PTPRO: variants seen among roughly 807,000 people sequenced by gnomAD.
The protein encoded by PTPRO is receptor-type tyrosine-protein phosphatase O.
PTPRO carries 62 observed loss-of-function variants against 145.2 expected under a neutral mutation model. The observed-to-expected ratio is 0.43, with a 90% CI of 0.35 to 0.53. The LOEUF (loss-of-function observed/expected upper bound fraction) is 0.53. Among genes scored for constraint, PTPRO ranks in the 20% least tolerant of loss-of-function variants. The pLI is 0.01. For synonymous variants in PTPRO, 565 were observed against 514.7 expected, an observed-to-expected ratio of 1.10 and a Z score of -1.32; for missense variants, 1,345 against 1,482.7, an observed-to-expected ratio of 0.91 and a Z score of 1.53.
At chr12:15,542,374 A>T (rs1943198421) in intron 12 of PTPRO, among the ~76,000 whole-genome samples, 1 of 152,256 alleles carries the variant, frequency 6.6e-6, no homozygotes, top group Non-Finnish European at 1.5e-5. Flanking sequence ...AAGAAAGTTT[A>T]TGAATTTGTG....
intron 1 of PTPRO, among the ~76,000 whole-genome samples, chr12:15,376,998 A>G (rs1272692061): frequency 6.6e-6 from 1 of 152,154 alleles, no homozygotes; most frequent in Admixed American, 6.5e-5. Context: ...CAATTGTTAA[A>G]CTGTGTTGAT....
chr12:15,589,375 CA>C, intron 24 of PTPRO, 79 bp from the exon 25 acceptor site: 1 of 1,479,112 alleles, frequency 6.8e-7, no homozygotes, highest in South Asian at 1.2e-5. Flanking sequence ...GACTCCATCT[CA>C]AAGAAAAAAA....
intron 1 of PTPRO, among the ~76,000 whole-genome samples, chr12:15,380,561 T>C (rs1938828893): frequency 6.6e-6 from 1 of 152,128 alleles, no homozygotes; most frequent in South Asian, 2.1e-4. Flanking sequence ...CTAATTAAAA[T>C]TAAAACCAGG....
intron 12 of PTPRO, among the ~76,000 whole-genome samples, chr12:15,545,460 C>T (rs1337094579): frequency 2.0e-5 from 3 of 150,532 alleles, no homozygotes; most frequent in Admixed American, 2.0e-4. Context: ...GGAAAGACAA[C>T]ATCCAAAAGA....
chr12:15,447,320 A>T (rs1475981904), intron 1 of PTPRO, among the ~76,000 whole-genome samples: 1 of 152,146 alleles, frequency 6.6e-6, no homozygotes, highest in Non-Finnish European at 1.5e-5. Flanking sequence ...AATCTGGAAT[A>T]AAAAACTGCA....
At chr12:15,497,011 A>C (rs1942120850) in intron 2 of PTPRO, among the ~76,000 whole-genome samples, 1 of 152,208 alleles carries the variant, frequency 6.6e-6, no homozygotes, top group Non-Finnish European at 1.5e-5. Context: ...CTGTTGCAAA[A>C]GGAAAAATAA....
At chr12:15,452,524 GGGAAAGGAC>G (rs1331073254) in intron 1 of PTPRO, among the ~76,000 whole-genome samples, 1 of 152,030 alleles carries the variant, frequency 6.6e-6, no homozygotes, top group Admixed American at 6.6e-5. Context: ...TACCAAAACG[GGGAAAGGAC>G]GTGACAGAAA....
chr12:15,565,930 A>G (rs576334929), intron 18 of PTPRO, among the ~76,000 whole-genome samples: 2 of 152,314 alleles, frequency 1.3e-5, no homozygotes, highest in East Asian at 3.9e-4. Flanking sequence ...TAAATACAGT[A>G]TATGAAAATC....
intron 1 of PTPRO, among the ~76,000 whole-genome samples, chr12:15,482,394 G>C (rs1453244665): frequency 6.6e-6 from 1 of 152,010 alleles, no homozygotes; most frequent in African/African-American, 2.4e-5. Flanking sequence ...GAGGGGGACA[G>C]CCAAAGGCTT....
intron 1 of PTPRO, among the ~76,000 whole-genome samples, chr12:15,425,353 A>G (rs1295218593): frequency 6.6e-6 from 1 of 152,166 alleles, no homozygotes; most frequent in Non-Finnish European, 1.5e-5. Context: ...GTTACAGGTA[A>G]GAAAACTGAG....
chr12:15,342,537 T>C (rs1867035361), intron 1 of PTPRO, among the ~76,000 whole-genome samples: 1 of 152,342 alleles, frequency 6.6e-6, no homozygotes, highest in Non-Finnish European at 1.5e-5. Context: ...ATATTTATAG[T>C]AATAACTCCA....
rs979985096 is a variant in PTPRO, at chr12:15,597,591, G to A, written c.*1518G>A. Among the ~76,000 whole-genome samples, 1 of 152,176 alleles carries A rather than the reference G, an allele frequency of 6.6e-6. No homozygotes were observed. Among genetic ancestry groups the A allele is most frequent in the African/African-American group, 2.4e-5 (1 of 41,440 alleles). On this transcript the variant is annotated 3_prime_UTR_variant, in exon 27 of 27. Transcript: ENST00000281171. Reference sequence around the variant, plus strand: ...CAAATGAACAGCTCTGCACCCCACCGTCTCTTGTCACTGAAAAGGCTTGGC... The same window carrying A: ...CAAATGAACAGCTCTGCACCCCACCATCTCTTGTCACTGAAAAGGCTTGGC...
intron 1 of PTPRO, among the ~76,000 whole-genome samples, chr12:15,327,201 A>C (rs897378099): frequency 6.6e-6 from 1 of 152,216 alleles, no homozygotes; most frequent in Non-Finnish European, 1.5e-5. Context: ...TTATATTAGA[A>C]TCTTATTAAA....
At chr12:15,473,632 T>C (rs571116073) in intron 1 of PTPRO, among the ~76,000 whole-genome samples, 1 of 152,026 alleles carries the variant, frequency 6.6e-6, no homozygotes. Context: ...CCAGGCGTTG[T>C]GGTGGGCACC....
At chr12:15,577,838 G>A (rs7969709) in intron 19 of PTPRO, among the ~76,000 whole-genome samples, 6,367 of 148,658 alleles carry the variant, frequency 0.043, 407 homozygotes, top group African/African-American at 0.14. Flanking sequence ...AGACCACAAT[G>A]TGAATGATGC....
intron 1 of PTPRO, among the ~76,000 whole-genome samples, chr12:15,459,232 C>G (rs907868775): frequency 6.6e-6 from 1 of 152,166 alleles, no homozygotes; most frequent in Non-Finnish European, 1.5e-5. Context: ...CCCACTTGCT[C>G]TGTGCTGAGC....
chr12:15,483,946 T>C (rs1941832426), intron 1 of PTPRO, 28 bp from the exon 2 acceptor site: 1 of 1,606,214 alleles, frequency 6.2e-7, no homozygotes, highest in African/African-American at 1.3e-5. Context: ...ATAACCTCCA[T>C]CTCTTTTTAT....
At position 15,498,426 on chromosome 12, in the gene PTPRO, C is replaced by T. The variant is rs141679453; in HGVS notation, c.509-1016C>T. The stretch of plus-strand genomic sequence containing the variant: ...CAAAAAATCTAGCCGGGCGTGGTGG[C>T]GGGCGCCTGTAGTCCCAGATACTCA... On this transcript the variant is annotated intron_variant, in intron 3 of 26. Transcript: ENST00000281171. Among the ~76,000 whole-genome samples, 616 of 152,108 alleles carry T rather than the reference C, an allele frequency of 4.0e-3. 5 individuals are homozygous for T. The highest frequency in any genetic ancestry group is 0.014 in the African/African-American group (582 of 41,504).
chr12:15,496,394 G>T (rs1471594852), intron 2 of PTPRO, among the ~76,000 whole-genome samples: 2 of 151,930 alleles, frequency 1.3e-5, no homozygotes, highest in Non-Finnish European at 2.9e-5. Context: ...CACCCGCCTT[G>T]ACCTTCCACA....
Sources: allele counts gnomAD v4.1 joint callset (sites outside exome capture counted in the v4.1 genomes callset), GRCh38; gene constraint gnomAD v4.1.1; transcripts MANE v1.5; gene names NCBI Gene and HGNC (gene_info 2026-07-23, HGNC 2026-07-21).